FBXO34: variants seen among roughly 807,000 people sequenced by gnomAD.
FBXO34 encodes the protein F-box protein 34.
In FBXO34, 12 loss-of-function variants were observed where a neutral mutation model predicts 24.5. The observed-to-expected ratio is 0.49, with a 90% CI of 0.31 to 0.79. FBXO34 has a LOEUF of 0.79. Ranked by LOEUF, FBXO34 falls within the 30% of genes least tolerant of loss-of-function variation. The pLI is 0.04. For synonymous variants in FBXO34, 320 were observed against 311.9 expected (o/e 1.03, Z -0.27); for missense variants, 823 against 857.7 (o/e 0.96, Z 0.51).
chr14:55,436,329 C>A, the FBXO34 span, among the ~76,000 whole-genome samples: 2 of 152,154 alleles, frequency 1.3e-5, no homozygotes, highest in African/African-American at 4.8e-5. Flanking sequence ...TTCAAGAATG[C>A]ATCTATTAAT....
chr14:55,389,283 A>AT, the FBXO34 span, among the ~76,000 whole-genome samples: 1 of 152,236 alleles, frequency 6.6e-6, no homozygotes, highest in Admixed American at 6.5e-5. Context: ...AAAGCCCTGA[A>AT]TATCATGGTA....
At chr14:55,283,962 G>C (rs1181691784) in intron 1 of FBXO34, among the ~76,000 whole-genome samples, 6 of 146,976 alleles carry the variant, frequency 4.1e-5, no homozygotes, top group Admixed American at 1.3e-4. Context: ...GTGTGTGTGT[G>C]TGTGTGTGTG....
At chr14:55,317,964 A>G (rs529757856) in intron 1 of FBXO34, among the ~76,000 whole-genome samples, 1 of 152,320 alleles carries the variant, frequency 6.6e-6, no homozygotes, top group Non-Finnish European at 1.5e-5. Context: ...ATTGCATTTC[A>G]GAAACATTTT....
chr14:55,441,592 T>G, the FBXO34 span, among the ~76,000 whole-genome samples: 1 of 152,326 alleles, frequency 6.6e-6, no homozygotes, highest in East Asian at 1.9e-4. Flanking sequence ...GCGTTCCGTC[T>G]AAAGCCACAT....
the FBXO34 span, among the ~76,000 whole-genome samples, chr14:55,442,250 A>G: frequency 4.0e-5 from 6 of 150,848 alleles, no homozygotes; most frequent in East Asian, 1.0e-3. Flanking sequence ...TTAGCTGGGC[A>G]TGGTAGTGTG....
At chr14:55,409,083 T>A in the FBXO34 span, among the ~76,000 whole-genome samples, 3 of 152,184 alleles carry the variant, frequency 2.0e-5, no homozygotes, top group South Asian at 2.1e-4. Flanking sequence ...GGGAGATCAC[T>A]ACGTAGTCAG....
At chr14:55,374,655 AT>A (rs1170260736), downstream of FBXO34, among the ~76,000 whole-genome samples, 2 of 151,946 alleles carry the variant, frequency 1.3e-5, no homozygotes, top group South Asian at 2.1e-4. Flanking sequence ...TTATAGCTGT[AT>A]TTTTTTAAAT....
At chr14:55,405,373 A>T in the FBXO34 span, among the ~76,000 whole-genome samples, 1 of 152,176 alleles carries the variant, frequency 6.6e-6, no homozygotes, top group East Asian at 1.9e-4. Flanking sequence ...TAGGGCATGC[A>T]TTTCTGTTTC....
chr14:55,315,764 C>T (rs993433881), intron 1 of FBXO34, among the ~76,000 whole-genome samples: 1 of 152,136 alleles, frequency 6.6e-6, no homozygotes, highest in Non-Finnish European at 1.5e-5. Context: ...CAGTTCTTTT[C>T]TTTGTCCCTC....
the FBXO34 span, among the ~76,000 whole-genome samples, chr14:55,389,931 C>G: frequency 1.3e-5 from 2 of 151,880 alleles, 1 homozygote; most frequent in African/African-American, 4.8e-5. Context: ...AAGATTAATA[C>G]AGATTACAAT....
chr14:55,331,357 T>C (rs1883526210), intron 1 of FBXO34, among the ~76,000 whole-genome samples: 1 of 151,978 alleles, frequency 6.6e-6, no homozygotes, highest in South Asian at 2.1e-4. Context: ...GGAGTAGTAG[T>C]TTGTAAATTT....
At chr14:55,423,148 A>G in the FBXO34 span, among the ~76,000 whole-genome samples, 1 of 152,336 alleles carries the variant, frequency 6.6e-6, no homozygotes, top group South Asian at 2.1e-4. Context: ...GATGTGTTGA[A>G]AAATGGTCGA....
At chr14:55,438,198 TCTC>T in the FBXO34 span, among the ~76,000 whole-genome samples, 1 of 152,326 alleles carries the variant, frequency 6.6e-6, no homozygotes, top group East Asian at 1.9e-4. Flanking sequence ...TGTTGCATCT[TCTC>T]AGTGACAATG....
downstream of FBXO34, among the ~76,000 whole-genome samples, chr14:55,374,569 G>A (rs1431890759): frequency 6.6e-6 from 1 of 152,038 alleles, no homozygotes; most frequent in Non-Finnish European, 1.5e-5. Flanking sequence ...TTTCCTTTAT[G>A]GTTTTTGGGT....
intron 1 of FBXO34, among the ~76,000 whole-genome samples, chr14:55,313,183 G>T (rs1476000399): frequency 6.6e-6 from 1 of 152,094 alleles, no homozygotes; most frequent in Non-Finnish European, 1.5e-5. Context: ...TCTGTCTCAA[G>T]TTCAAAGTTC....
the FBXO34 span, among the ~76,000 whole-genome samples, chr14:55,399,399 A>G: frequency 6.6e-6 from 1 of 152,260 alleles, no homozygotes; most frequent in African/African-American, 2.4e-5. Context: ...TCTACTGAAT[A>G]GCACTGTAAT....
the FBXO34 span, among the ~76,000 whole-genome samples, chr14:55,417,707 C>T: frequency 6.6e-6 from 1 of 152,118 alleles, no homozygotes; most frequent in Non-Finnish European, 1.5e-5. Flanking sequence ...AGTGATCTGC[C>T]CACCTTGGCC....
chr14:55,379,144 A>G, the FBXO34 span, among the ~76,000 whole-genome samples: 1 of 152,196 alleles, frequency 6.6e-6, no homozygotes, highest in South Asian at 2.1e-4. Flanking sequence ...TTTGTCACCA[A>G]TGTACCCTCC....
chr14:55,334,250 G>A (rs1594757524), intron 1 of FBXO34, among the ~76,000 whole-genome samples: 2 of 152,180 alleles, frequency 1.3e-5, no homozygotes, highest in South Asian at 4.1e-4. Context: ...TTCATGGGCT[G>A]CTCAAGGGTT....
Sources: allele counts gnomAD v4.1 joint callset (sites outside exome capture counted in the v4.1 genomes callset), GRCh38; gene constraint gnomAD v4.1.1; transcripts MANE v1.5; gene names NCBI Gene and HGNC (gene_info 2026-07-23, HGNC 2026-07-21).